SLC25A32: variants seen among roughly 807,000 people sequenced by gnomAD.
SLC25A32 encodes the protein solute carrier family 25 member 32, also known as Glycine auxotroph B, complementation of hamster.
Under a neutral mutation model 39.0 loss-of-function variants are expected in SLC25A32, and 32 were observed. That is an observed-to-expected ratio of 0.82 (90% CI 0.62 to 1.10). SLC25A32 has a LOEUF of 1.10. SLC25A32 is among the 50% of genes least tolerant of loss of function. SLC25A32 has a pLI of 0.00. For missense variants in SLC25A32, 367 were observed against 395.3 expected, an observed-to-expected ratio of 0.93 and a Z score of 0.61; for synonymous variants, 166 against 152.4, an observed-to-expected ratio of 1.09 and a Z score of -0.66.
Position 103,412,054 on chromosome 8 carries a change from T to C in SLC25A32, c.154+2730A>G, listed in dbSNP as rs150170736. Among the ~76,000 whole-genome samples the C allele has an allele frequency of 5.9e-5, 9 of 152,338 alleles. No homozygotes were observed. In the East Asian group the frequency reaches 9.6e-4, roughly 16 times the overall value. On this transcript the variant is annotated intron_variant, in intron 1 of 6. Transcript: ENST00000297578. ...TGATTGCTCTGTGCCTGAGTTTTTC[T>C]GTAAGATAGGAAAAAATAATAGAAC...
Position 103,400,537 on chromosome 8 carries a change from G to A in SLC25A32, c.822C>T (p.Gly274=), listed in dbSNP as rs191949047. 2.2e-5 allele frequency: 36 copies of A among 1,613,860 alleles called. No homozygotes were observed. The Admixed American group carries it at 2.5e-4, about 11-fold the overall frequency. Residue 274 remains glycine (G), a synonymous_variant, in exon 7 of 7, where the codon GGC becomes GGT. Coordinates refer to ENST00000297578, the MANE Select transcript of SLC25A32 (RefSeq NM_030780.5). ...DVITKTWRKE[G]VGGFYKGIAP... is the part of the protein sequence containing the mutation. The stretch of plus-strand genomic sequence containing the variant: ...CAATTCCCTTGTAAAATCCACCGAC[G>A]CCTTCTTTCCTTTAGAGGGAAAAAT...
intron 2 of SLC25A32, among the ~76,000 whole-genome samples, chr8:103,405,714 G>A (rs996651618): frequency 6.6e-6 from 1 of 151,900 alleles, no homozygotes; most frequent in African/African-American, 2.4e-5. Context: ...AGGCTGGAGT[G>A]CAGTGACACA....
At chr8:103,403,638 C>T (rs1053935434) in intron 3 of SLC25A32, among the ~76,000 whole-genome samples, 2 of 152,050 alleles carry the variant, frequency 1.3e-5, no homozygotes, top group Non-Finnish European at 2.9e-5. Context: ...AACAACGTGG[C>T]CTGGTGCAGA....
At chr8:103,406,536 C>T (rs144770842) in intron 2 of SLC25A32, among the ~76,000 whole-genome samples, 4 of 152,214 alleles carry the variant, frequency 2.6e-5, no homozygotes, top group Non-Finnish European at 5.9e-5. Flanking sequence ...GCCACAGGAA[C>T]TTTCTATGGC....
Position 103,399,505 on chromosome 8 carries a change from T to A in SLC25A32, c.*906A>T, listed in dbSNP as rs990146631. On this transcript the variant is annotated 3_prime_UTR_variant, in exon 7 of 7. Transcript: ENST00000297578. ...TGACAATAGATGTCAGATATTTCTCTGAGAAGTATATAGTTTCTCAATTTT... is the reference window on the plus strand; with the variant it reads ...TGACAATAGATGTCAGATATTTCTCAGAGAAGTATATAGTTTCTCAATTTT... The A allele has an allele frequency of 3.9e-5, 6 of 152,246 alleles. No homozygotes were observed. The highest frequency in any genetic ancestry group is 1.4e-4 in the African/African-American group (6 of 41,460). 9.4% of individuals were successfully genotyped at this position (152,246 alleles called of 1,614,324 possible). A position where few individuals can be genotyped will look rare whatever the true frequency, so the allele number is the denominator to read the frequency against.
intron 1 of SLC25A32, among the ~76,000 whole-genome samples, chr8:103,409,397 C>T (rs967428659): frequency 7.9e-5 from 12 of 152,084 alleles, no homozygotes; most frequent in African/African-American, 2.9e-4. Context: ...TTATAGATAT[C>T]CCATGATTTA....
chr8:103,414,857 T>C lies in SLC25A32; in HGVS notation c.81A>G (p.Ile27Met). Reference sequence around the variant, plus strand: ...ATAAGACGCCGCCGCTCACGCCCGCTATCAGGTTCTCATACCGGACGTGGC... The same window carrying C: ...ATAAGACGCCGCCGCTCACGCCCGCCATCAGGTTCTCATACCGGACGTGGC... ...VFRHVRYENL[I>M]AGVSGGVLSN... The change falls in exon 1 of 7, where the codon ATA (isoleucine) becomes ATG (methionine). Residue 27 changes from isoleucine (I) to methionine (M), a missense_variant. Physicochemically the swap from Ile to Met is conservative, Grantham distance 10. Coordinates refer to ENST00000297578, the MANE Select transcript of SLC25A32 (RefSeq NM_030780.5). 1 of 1,613,504 alleles carries C rather than the reference T, an allele frequency of 6.2e-7. No homozygotes were observed. The highest frequency in any genetic ancestry group is 8.5e-7 in the Non-Finnish European group (1 of 1,179,936).
chr8:103,400,095 A>G lies in SLC25A32; in HGVS notation c.*316T>C. ...TCACAAAAAGAAGTACATTCATCTA[A>G]TCCATTTAGCAAATGTTGCAAATCA... On this transcript the variant is annotated 3_prime_UTR_variant, in exon 7 of 7. Transcript: ENST00000297578. The G allele has an allele frequency of 3.1e-6, 1 of 320,628 alleles. No individual in the cohort carries two copies. The highest frequency in any genetic ancestry group is 5.8e-6 in the Non-Finnish European group (1 of 172,906). The allele number at this position is 320,628 out of a possible 1,614,324, so 19.9% of individuals were successfully genotyped here.
intron 1 of SLC25A32, among the ~76,000 whole-genome samples, chr8:103,414,193 T>C (rs1586120044): frequency 6.6e-6 from 1 of 152,384 alleles, no homozygotes; most frequent in East Asian, 1.9e-4. Context: ...GACTTTAGTG[T>C]TGAGTTTAAC....
chr8:103,405,858 G>A (rs1283099770), intron 2 of SLC25A32, among the ~76,000 whole-genome samples: 1 of 151,848 alleles, frequency 6.6e-6, no homozygotes, highest in Non-Finnish European at 1.5e-5. Context: ...TGAAGAGATG[G>A]AGGTCTCACT....
In SLC25A32 at chr8:103,412,956, G is replaced by C. The variant is rs188703144; in HGVS notation, c.154+1828C>G. 1.8e-3 allele frequency among the ~76,000 whole-genome samples: 280 copies of C among 152,074 alleles called. 2 individuals carry two copies. Among genetic ancestry groups the C allele is most frequent in the African/African-American group, 6.6e-3 (273 of 41,446 alleles). On this transcript the variant is annotated intron_variant, in intron 1 of 6. Transcript: ENST00000297578. ...TTGATAATCAATAAATTTTTATTTC[G>C]TTATTCATCTTCTTAAGTTTTCCTC...
intron 4 of SLC25A32, chr8:103,402,297 C>G (rs997115947): frequency 3.3e-6 from 1 of 304,802 alleles, no homozygotes; most frequent in African/African-American, 2.2e-5. Flanking sequence ...AAACAGTATA[C>G]ATATAAAGAA....
chr8:103,402,298 A>G (rs758751116), intron 4 of SLC25A32: 9 of 302,652 alleles, frequency 3.0e-5, no homozygotes, highest in Non-Finnish European at 4.9e-5. Context: ...AACAGTATAC[A>G]TATAAAGAAG....
rs138160805 is a variant in SLC25A32, at chr8:103,407,881, T to C, written c.155-97A>G. 0.064 allele frequency: 60,642 copies of C among 942,472 alleles called. 2,278 individuals carry two copies. The highest frequency in any genetic ancestry group is 0.076 in the Non-Finnish European group (52,422 of 692,286). The allele number at this position is 942,472 out of a possible 1,614,324, so 58.4% of individuals were successfully genotyped here. ...TGTACAATTGGTTATATAAAGGAGATAAACTTAGAAGAAAAACTTTTTTAG... is the reference window on the plus strand; with the variant it reads ...TGTACAATTGGTTATATAAAGGAGACAAACTTAGAAGAAAAACTTTTTTAG... On this transcript the variant is annotated intron_variant, in intron 1 of 6. Coordinates refer to ENST00000297578, the MANE Select transcript of SLC25A32 (RefSeq NM_030780.5).
Position 103,400,314 on chromosome 8 carries a change from G to T in SLC25A32, c.*97C>A, listed in dbSNP as rs1001526432. On this transcript the variant is annotated 3_prime_UTR_variant, in exon 7 of 7. Coordinates refer to ENST00000297578, the MANE Select transcript of SLC25A32 (RefSeq NM_030780.5). ...ATGACTATAGAGCAATTTCGAATAT[G>T]AGCCATGTTTCTATGCAGAATTCTT... 2.0e-5 allele frequency: 28 copies of T among 1,399,606 alleles called. No individual in the cohort carries two copies. The East Asian group carries it at 6.2e-4, about 31-fold the overall frequency. The allele number at this position is 1,399,606 out of a possible 1,614,324, so 86.7% of individuals were successfully genotyped here. A position where few individuals can be genotyped will look rare whatever the true frequency, so the allele number is the denominator to read the frequency against.
chr8:103,408,780 C>CT (rs1202805175), intron 1 of SLC25A32, among the ~76,000 whole-genome samples: 13 of 152,310 alleles, frequency 8.5e-5, no homozygotes, highest in Admixed American at 8.5e-4. Flanking sequence ...TACCTGGGGA[C>CT]TATCCATGAA....
chr8:103,409,297 C>A (rs941791718), intron 1 of SLC25A32, among the ~76,000 whole-genome samples: 1 of 152,170 alleles, frequency 6.6e-6, no homozygotes, highest in Non-Finnish European at 1.5e-5. Flanking sequence ...GCTTTGTTTT[C>A]CACTCAAGAT....
intron 4 of SLC25A32, 123 bp downstream of exon 4, chr8:103,403,041 A>G: frequency 1.7e-6 from 1 of 577,332 alleles, no homozygotes; most frequent in Non-Finnish European, 2.9e-6. Flanking sequence ...TTTTCATTAA[A>G]TTGTTTTTTG....
chr8:103,413,349 C>G (rs1173331785), intron 1 of SLC25A32, among the ~76,000 whole-genome samples: 1 of 152,186 alleles, frequency 6.6e-6, no homozygotes, highest in Non-Finnish European at 1.5e-5. Context: ...AATGTTCAAA[C>G]CATTGTATAA....
Sources: allele counts gnomAD v4.1 joint callset (sites outside exome capture counted in the v4.1 genomes callset), GRCh38; gene constraint gnomAD v4.1.1; transcripts MANE v1.5; gene names NCBI Gene and HGNC (gene_info 2026-07-23, HGNC 2026-07-21).